The following EEF1AKMT2 variants were observed in gnomAD, a reference collection of about 807,000 sequenced individuals.
EEF1AKMT2 encodes EEF1A lysine methyltransferase 2.
EEF1AKMT2 carries 32 observed loss-of-function variants against 35.8 expected under a neutral mutation model. That is an observed-to-expected ratio of 0.89 (90% CI 0.67 to 1.20). EEF1AKMT2 has a LOEUF of 1.20. EEF1AKMT2 is among the 50% of genes most tolerant of loss of function. The pLI is 0.00. For missense variants in EEF1AKMT2, 330 were observed against 347.5 expected (o/e 0.95, Z 0.40); for synonymous variants, 121 against 133.7 (o/e 0.91, Z 0.65).
intron 2 of EEF1AKMT2, among the ~76,000 whole-genome samples, chr10:124,789,556 G>C (rs1349579671): frequency 6.6e-6 from 1 of 151,940 alleles, no homozygotes; most frequent in East Asian, 1.9e-4. Context: ...CCAGGAGTTC[G>C]AGACCACCCT....
intron 3 of EEF1AKMT2, among the ~76,000 whole-genome samples, chr10:124,787,410 G>A (rs1241022896): frequency 3.2e-5 from 4 of 126,462 alleles, no homozygotes; most frequent in Non-Finnish European, 4.8e-5. Flanking sequence ...TCCAGCCTGG[G>A]TGTCAGAGCC....
At chr10:124,786,107 C>A (rs1325294547) in intron 3 of EEF1AKMT2, among the ~76,000 whole-genome samples, 1 of 152,008 alleles carries the variant, frequency 6.6e-6, no homozygotes, top group Non-Finnish European at 1.5e-5. Context: ...CAAGGAAGCT[C>A]CTATGGTACT....
chr10:124,785,895 C>CAAAAAAAAAAAA (rs34637624), intron 3 of EEF1AKMT2, among the ~76,000 whole-genome samples: 2 of 59,472 alleles, frequency 3.4e-5, no homozygotes, highest in South Asian at 9.1e-4. Flanking sequence ...GACTCTGTCT[C>CAAAAAAAAAAAA]AAAAAAAAAA....
At chr10:124,786,402 A>C (rs546228840) in intron 3 of EEF1AKMT2, among the ~76,000 whole-genome samples, 198 of 152,024 alleles carry the variant, frequency 1.3e-3, no homozygotes, top group African/African-American at 4.5e-3. Flanking sequence ...GCTACTCAGG[A>C]GGCTGAGGCA....
chr10:124,782,329 T>C (rs1333675296), intron 3 of EEF1AKMT2, among the ~76,000 whole-genome samples: 1 of 151,940 alleles, frequency 6.6e-6, no homozygotes, highest in Non-Finnish European at 1.5e-5. Flanking sequence ...ACGCCTGTAA[T>C]CCCAGCACTT....
chr10:124,781,107 G>A (rs1456700287), intron 3 of EEF1AKMT2, among the ~76,000 whole-genome samples: 1 of 151,708 alleles, frequency 6.6e-6, no homozygotes, highest in East Asian at 2.0e-4. Flanking sequence ...CACCACGCCC[G>A]GCTAATTTTT....
At chr10:124,791,624 C>T (rs1346387117) in intron 1 of EEF1AKMT2, 100 bp downstream of exon 1, 16 of 1,500,534 alleles carry the variant, frequency 1.1e-5, no homozygotes, top group Non-Finnish European at 1.4e-5. Context: ...CCCCGAGGGT[C>T]TCCCTGTCCC....
intron 3 of EEF1AKMT2, among the ~76,000 whole-genome samples, chr10:124,784,627 T>A (rs1387889274): frequency 6.7e-6 from 1 of 148,988 alleles, no homozygotes; most frequent in African/African-American, 2.5e-5. Context: ...CAGAACTCAA[T>A]GAAATTAAAA....
intron 4 of EEF1AKMT2, among the ~76,000 whole-genome samples, chr10:124,767,725 C>G (rs1162092601): frequency 6.6e-6 from 1 of 152,098 alleles, no homozygotes; most frequent in East Asian, 1.9e-4. Flanking sequence ...GTGGCTCACA[C>G]CTATAATCCC....
At chr10:124,776,526 G>A (rs1422271526) in intron 3 of EEF1AKMT2, among the ~76,000 whole-genome samples, 3 of 152,136 alleles carry the variant, frequency 2.0e-5, no homozygotes, top group Non-Finnish European at 4.4e-5. Context: ...GGTGGCTCAC[G>A]CCTATAATCC....
rs1351502745 is a variant in EEF1AKMT2, at chr10:124,790,334, C to T, written c.115G>A (p.Asp39Asn). 1.2e-6 allele frequency: 2 copies of T among 1,608,144 alleles called. No homozygotes were observed. The highest frequency in any genetic ancestry group is 2.2e-5 in the South Asian group (2 of 90,940). ...PSALGTREHW[D>N]AVYERELQTF... ...TGCAGTTCTCTCTCATAGACAGCAT[C>T]CCAACTATGTAAACAATGAAATGCA... The change falls in exon 2 of 7, where the codon GAT (aspartate) becomes AAT (asparagine). Residue 39 changes from aspartate to asparagine, a missense_variant. Coordinates refer to ENST00000368836, the MANE Select transcript of EEF1AKMT2 (RefSeq NM_212554.4).
intron 3 of EEF1AKMT2, among the ~76,000 whole-genome samples, chr10:124,779,747 CAAAAAA>C (rs34475748): frequency 3.9e-4 from 11 of 28,190 alleles, no homozygotes; most frequent in Admixed American, 3.0e-3. Flanking sequence ...GACTCCATCT[CAAAAAA>C]AAAAAAAAAA....
At position 124,774,796 on chromosome 10, in the gene EEF1AKMT2, AT is replaced by A; in HGVS notation, c.292-15del. 1 of 1,235,266 alleles carries A rather than the reference AT, an allele frequency of 8.1e-7. No individual in the cohort carries two copies. Among genetic ancestry groups the A allele is most frequent in the Non-Finnish European group, 1.1e-6 (1 of 914,486 alleles). 76.5% of individuals were successfully genotyped at this position (1,235,266 alleles called of 1,614,324 possible). ...ACCAAATTTTGCCTAGAGAGAAATA[AT>A]TTTATACTTTAGTATAAAATTTTAA... On this transcript the variant is annotated splice_polypyrimidine_tract_variant and intron_variant, in intron 3 of 6. Coordinates refer to ENST00000368836, the MANE Select transcript of EEF1AKMT2 (RefSeq NM_212554.4).
At chr10:124,776,032 C>T (rs1375717566) in intron 3 of EEF1AKMT2, among the ~76,000 whole-genome samples, 1 of 152,046 alleles carries the variant, frequency 6.6e-6, no homozygotes, top group African/African-American at 2.4e-5. Context: ...ATTCTCCCAC[C>T]TCAGCCTCCC....
At chr10:124,786,566 C>T (rs2134143420) in intron 3 of EEF1AKMT2, among the ~76,000 whole-genome samples, 1 of 150,164 alleles carries the variant, frequency 6.7e-6, no homozygotes, top group East Asian at 2.0e-4. Flanking sequence ...TACCAGCACT[C>T]CGGGAGGCTG....
intron 3 of EEF1AKMT2, among the ~76,000 whole-genome samples, chr10:124,776,366 T>C (rs891413862): frequency 1.3e-5 from 2 of 151,714 alleles, no homozygotes; most frequent in East Asian, 1.9e-4. Context: ...AGGGGAGAAA[T>C]TGACTTTAGA....
intron 3 of EEF1AKMT2, among the ~76,000 whole-genome samples, chr10:124,784,445 T>A (rs933296540): frequency 2.0e-5 from 3 of 152,162 alleles, no homozygotes; most frequent in African/African-American, 7.2e-5. Context: ...AACAATTTTT[T>A]AAAATATAAC....
intron 4 of EEF1AKMT2, among the ~76,000 whole-genome samples, chr10:124,770,608 C>T (rs1409994364): frequency 1.3e-5 from 2 of 152,106 alleles, no homozygotes; most frequent in Admixed American, 6.5e-5. Context: ...TAAAGTTTGC[C>T]GTATCGACTG....
chr10:124,763,722 T>C (rs1950352136), intron 5 of EEF1AKMT2, among the ~76,000 whole-genome samples: 2 of 152,206 alleles, frequency 1.3e-5, no homozygotes, highest in Admixed American at 6.5e-5. Flanking sequence ...CAGACAAATA[T>C]GTTTTTGTCT....
Sources: gnomAD v4.1 joint callset for allele counts (sites outside exome capture counted in the v4.1 genomes callset) on GRCh38, gnomAD v4.1.1 for gene constraint, MANE v1.5 for transcripts, NCBI Gene and HGNC (gene_info 2026-07-23, HGNC 2026-07-21) for gene names.